CAPSL: variants seen among roughly 807,000 people sequenced by gnomAD.
The protein encoded by CAPSL is calcyphosine like.
In CAPSL, 17 loss-of-function variants were observed where a neutral mutation model predicts 21.3. The observed-to-expected ratio is 0.80, with a 90% confidence interval of 0.55 to 1.20. The LOEUF (loss-of-function observed/expected upper bound fraction) is 1.20, where lower values mean the gene tolerates loss of function less well. Among genes scored for constraint, CAPSL ranks in the 50% most tolerant of loss-of-function variants. CAPSL has a pLI of 0.00. For missense variants in CAPSL, 289 were observed against 259.3 expected, an observed-to-expected ratio of 1.11 and a Z score of -0.79; for synonymous variants, 102 against 89.3, an observed-to-expected ratio of 1.14 and a Z score of -0.80.
chr5:35,929,102 C>T (rs920082282), intron 1 of CAPSL, among the ~76,000 whole-genome samples: 1 of 152,004 alleles, frequency 6.6e-6, no homozygotes, highest in East Asian at 1.9e-4. Flanking sequence ...TGTAACTATG[C>T]TGGGGGCCAA....
Position 35,924,038 on chromosome 5 carries a change from G to A in CAPSL, c.1-2918C>T, listed in dbSNP as rs563040063. ...TCAATTTAAAAAAAAAATTTAAAGT[G>A]TGCTGGGCACGTAGTCATCCTGGTA... On this transcript the variant is annotated intron_variant, in intron 1 of 4. Transcript: ENST00000651391. 2.0e-5 allele frequency among the ~76,000 whole-genome samples: 3 copies of A among 152,086 alleles called. No homozygotes were observed. In the South Asian group the frequency reaches 6.2e-4, roughly 32 times the overall value.
intron 2 of CAPSL, among the ~76,000 whole-genome samples, chr5:35,912,309 G>A (rs981254532): frequency 6.6e-6 from 1 of 152,200 alleles, no homozygotes; most frequent in Non-Finnish European, 1.5e-5. Flanking sequence ...ACAAAAGGCA[G>A]CAGAAACCTC....
In CAPSL at chr5:35,904,586, C is replaced by T. The variant is rs201508660; in HGVS notation, c.586G>A (p.Val196Met). Residue 196 changes from valine (V) to methionine (M), a missense_variant, in exon 5 of 5, where the codon GTG (valine) becomes ATG (methionine). Coordinates refer to ENST00000651391, the MANE Select transcript of CAPSL (RefSeq NM_001042625.2). ...GTTCTCATCATGATGATGAAGTACA[C>T]ATCAGTGTCAATGGATGCGCTCACA... ...AGVSASIDTD[V>M]YFIIMMRTAW... 163 of 1,613,702 alleles carry T rather than the reference C, an allele frequency of 1.0e-4. No homozygotes were observed. The highest frequency in any genetic ancestry group is 1.4e-4 in the Non-Finnish European group (161 of 1,179,958).
chr5:35,919,621 A>G (rs1365984765), intron 2 of CAPSL, among the ~76,000 whole-genome samples: 1 of 152,124 alleles, frequency 6.6e-6, no homozygotes, highest in Non-Finnish European at 1.5e-5. Context: ...AAATGAACAA[A>G]GGGGTGTGTA....
Position 35,909,851 on chromosome 5 carries a change from G to C in CAPSL, c.525+15C>G, listed in dbSNP as rs16902576. On this transcript the variant is annotated intron_variant, in intron 4 of 4. Transcript: ENST00000651391. The stretch of plus-strand genomic sequence containing the variant: ...AATTGAAGAAATTTCCCCTAGATTA[G>C]GCTCTTTTACTTACCAATCCATCTT... 2.4e-4 allele frequency: 390 copies of C among 1,592,688 alleles called. 1 individual carries two copies. In the African/African-American group the frequency reaches 4.7e-3, roughly 19 times the overall value.
In CAPSL at chr5:35,926,010, T is replaced by C. The variant is rs966768769; in HGVS notation, c.1-4890A>G. Among the ~76,000 whole-genome samples, 19 of 139,600 alleles carry C rather than the reference T, an allele frequency of 1.4e-4. No homozygotes were observed. The Admixed American group carries it at 1.5e-3, about 11-fold the overall frequency. The allele number at this position is 139,600 out of a possible 152,430, so 91.6% of individuals were successfully genotyped here. On this transcript the variant is annotated intron_variant, in intron 1 of 4. Transcript: ENST00000651391. Reference sequence around the variant, plus strand: ...AGAATCGCTTGAACCCAGGAGACGGTGGTTACAGTGAGCCAAGATCGCGCC... The same window carrying C: ...AGAATCGCTTGAACCCAGGAGACGGCGGTTACAGTGAGCCAAGATCGCGCC...
chr5:35,921,653 A>G (rs894339468), intron 1 of CAPSL, among the ~76,000 whole-genome samples: 1 of 152,154 alleles, frequency 6.6e-6, no homozygotes, highest in Admixed American at 6.5e-5. Context: ...GGTTCTTAGG[A>G]TGGGTGCAGT....
chr5:35,918,071 C>T (rs1011096171), intron 2 of CAPSL, among the ~76,000 whole-genome samples: 3 of 152,080 alleles, frequency 2.0e-5, no homozygotes, highest in Non-Finnish European at 2.9e-5. Context: ...GATGGAGAAC[C>T]ACAAATACCA....
At chr5:35,909,795 A>C in intron 4 of CAPSL, 71 bp downstream of exon 4, 1 of 1,215,358 alleles carries the variant, frequency 8.2e-7, no homozygotes, top group Non-Finnish European at 1.2e-6. Flanking sequence ...CATTTTTAAG[A>C]GTTTGGACCT....
intron 2 of CAPSL, among the ~76,000 whole-genome samples, chr5:35,916,810 G>T (rs577998177): frequency 6.6e-6 from 1 of 152,150 alleles, no homozygotes. Context: ...CATGGGCAAG[G>T]ACTTCATGTC....
Position 35,919,158 on chromosome 5 carries a change from A to ATT in CAPSL, c.137+1824_137+1825dup, listed in dbSNP as rs1554069747. ...CACTGGTTAGCTAGTATCTTTCCTG[A>ATT]TTAAAAAAAAAAATATATATATATA... On this transcript the variant is annotated intron_variant, in intron 2 of 4. Coordinates refer to ENST00000651391, the MANE Select transcript of CAPSL (RefSeq NM_001042625.2). 2.3e-3 allele frequency among the ~76,000 whole-genome samples: 168 copies of ATT among 72,956 alleles called. 2 individuals carry two copies. Among genetic ancestry groups the ATT allele is most frequent in the Non-Finnish European group, 9.8e-4 (31 of 31,496 alleles). 47.9% of individuals were successfully genotyped at this position (72,956 alleles called of 152,430 possible). A position where few individuals can be genotyped will look rare whatever the true frequency, so the allele number is the denominator to read the frequency against.
At chr5:35,905,385 C>T (rs768666602) in intron 4 of CAPSL, among the ~76,000 whole-genome samples, 1 of 152,114 alleles carries the variant, frequency 6.6e-6, no homozygotes, top group Non-Finnish European at 1.5e-5. Flanking sequence ...TTGACATGAT[C>T]GGTTGGGGAC....
In CAPSL at chr5:35,910,549, G is replaced by A. The variant is rs745575321; in HGVS notation, c.138-6C>T. 5 of 1,570,466 alleles carry A rather than the reference G, an allele frequency of 3.2e-6. No homozygotes were observed. Among genetic ancestry groups the A allele is most frequent in the East Asian group, 2.3e-5 (1 of 44,056 alleles). On this transcript the variant is annotated splice_region_variant and splice_polypyrimidine_tract_variant and intron_variant, in intron 2 of 4. Transcript: ENST00000651391. ...CATCCATAATTCTAAACACTCTGAA[G>A]AAAATACACACAAAAATTCAGAAGA...
chr5:35,907,079 A>G, intron 4 of CAPSL, among the ~76,000 whole-genome samples: 1 of 152,218 alleles, frequency 6.6e-6, no homozygotes, highest in South Asian at 2.1e-4. Flanking sequence ...TATTCATTTT[A>G]TTTGACATTA....
At chr5:35,912,505 G>C in intron 2 of CAPSL, among the ~76,000 whole-genome samples, 1 of 152,188 alleles carries the variant, frequency 6.6e-6, no homozygotes, top group Non-Finnish European at 1.5e-5. Flanking sequence ...ACTCCTCTGA[G>C]ACAAAACTTC....
rs551511611 is a variant in CAPSL, at chr5:35,934,616, A to G, written c.-1+3925T>C. ...TCCCCAGCTTCCTTTCTGCCAAGCCACAGTTTTTCAGTGACCATATCCTTC... is the reference window on the plus strand; with the variant it reads ...TCCCCAGCTTCCTTTCTGCCAAGCCGCAGTTTTTCAGTGACCATATCCTTC... On this transcript the variant is annotated intron_variant, in intron 1 of 4. Transcript: ENST00000651391. 3.9e-5 allele frequency among the ~76,000 whole-genome samples: 6 copies of G among 152,304 alleles called. No homozygotes were observed. In the South Asian group the frequency reaches 1.2e-3, roughly 32 times the overall value.
At chr5:35,917,841 G>T (rs141007227) in intron 2 of CAPSL, among the ~76,000 whole-genome samples, 2 of 151,898 alleles carry the variant, frequency 1.3e-5, no homozygotes, top group African/African-American at 2.4e-5. Flanking sequence ...CGTTGTGCAC[G>T]TGTATCCTAA....
At chr5:35,909,778 G>T in intron 4 of CAPSL, 88 bp downstream of exon 4, 1 of 1,054,350 alleles carries the variant, frequency 9.5e-7, no homozygotes, top group Non-Finnish European at 1.4e-6. Context: ...TGGTATCAAT[G>T]TGTTAACATT....
Position 35,910,086 on chromosome 5 carries a change from A to G in CAPSL, c.316-11T>C. On this transcript the variant is annotated splice_polypyrimidine_tract_variant and intron_variant, in intron 3 of 4. Transcript: ENST00000651391. ...TCTGGACATTGGAGGCTACAAAAAT[A>G]GAAGAATACATACAGAGACATACAT... 3 of 1,589,374 alleles carry G rather than the reference A, an allele frequency of 1.9e-6. No individual in the cohort carries two copies. Among genetic ancestry groups the G allele is most frequent in the South Asian group, 1.2e-5 (1 of 86,294 alleles).
Sources: allele counts gnomAD v4.1 joint callset (sites outside exome capture counted in the v4.1 genomes callset), GRCh38; gene constraint gnomAD v4.1.1; transcripts MANE v1.5; gene names NCBI Gene and HGNC (gene_info 2026-07-23, HGNC 2026-07-21).